Variants in PROCR observed in about 807,000 individuals in gnomAD.
PROCR encodes protein C receptor, also known as endothelial protein C receptor.
In PROCR, 22 loss-of-function variants were observed where a neutral mutation model predicts 24.2. The observed-to-expected ratio is 0.91, with a 90% confidence interval of 0.65 to 1.30. The LOEUF is 1.30. Among genes scored for constraint, PROCR ranks in the 50% most tolerant of loss-of-function variants. The pLI is 0.00. For missense variants in PROCR, 288 were observed against 307.7 expected, an observed-to-expected ratio of 0.94 and a Z score of 0.48; for synonymous variants, 137 against 139.2, an observed-to-expected ratio of 0.98 and a Z score of 0.11.
intron 1 of PROCR, among the ~76,000 whole-genome samples, chr20:35,193,349 T>C (rs984702999): frequency 6.6e-6 from 1 of 152,170 alleles, no homozygotes; most frequent in African/African-American, 2.4e-5. Context: ...CTAATTTTTG[T>C]ACTTTTAGTA....
chr20:35,215,498 T>C (rs2060378898), intron 1 of PROCR, among the ~76,000 whole-genome samples: 1 of 125,698 alleles, frequency 8.0e-6, no homozygotes, highest in South Asian at 2.2e-4. Flanking sequence ...AAGTCTTATC[T>C]TTTTTTTTTT....
Position 35,172,134 on chromosome 20 carries a change from G to A in PROCR, c.-21G>A, listed in dbSNP as rs1420942897. 6.2e-7 allele frequency: 1 copy of A among 1,613,994 alleles called. No homozygotes were observed. Among genetic ancestry groups the A allele is most frequent in the Admixed American group, 1.7e-5 (1 of 60,010 alleles). On this transcript the variant is annotated 5_prime_UTR_variant, in exon 1 of 4. Transcript: ENST00000216968. The stretch of plus-strand genomic sequence containing the variant: ...CAGCCGGCCCGAGCCAGGAACCCAG[G>A]TCCGGAGCCTCAACTTCAGGATGTT...
chr20:35,208,835 G>A (rs1173295160), intron 1 of PROCR, among the ~76,000 whole-genome samples: 1 of 152,096 alleles, frequency 6.6e-6, no homozygotes, highest in African/African-American at 2.4e-5. Context: ...AGCCGGGCAT[G>A]GTGGCACGCA....
At chr20:35,210,645 T>C (rs762997422) in intron 1 of PROCR, among the ~76,000 whole-genome samples, 1 of 152,196 alleles carries the variant, frequency 6.6e-6, no homozygotes, top group Non-Finnish European at 1.5e-5. Context: ...TGAACTTTTT[T>C]TTAATTGCCC....
At chr20:35,180,902 T>G (rs1358199866), downstream of PROCR, among the ~76,000 whole-genome samples, 4 of 152,220 alleles carry the variant, frequency 2.6e-5, no homozygotes, top group Non-Finnish European at 4.4e-5. Flanking sequence ...AGTCTCTCTC[T>G]GTCACCCAGG....
intron 1 of PROCR, among the ~76,000 whole-genome samples, chr20:35,190,176 G>A (rs1052725445): frequency 3.3e-5 from 5 of 152,048 alleles, no homozygotes; most frequent in African/African-American, 4.8e-5. Flanking sequence ...TGGTATATCC[G>A]ATGATCTGTT....
chr20:35,189,646 G>A (rs1316065482), intron 1 of PROCR, among the ~76,000 whole-genome samples: 1 of 152,112 alleles, frequency 6.6e-6, no homozygotes, highest in Non-Finnish European at 1.5e-5. Flanking sequence ...GGCTCAGGGG[G>A]CATCACGGAA....
At chr20:35,210,820 C>A (rs2146181688) in intron 1 of PROCR, among the ~76,000 whole-genome samples, 1 of 151,664 alleles carries the variant, frequency 6.6e-6, no homozygotes, top group Admixed American at 6.6e-5. Context: ...TCAAGCGATT[C>A]TCCTGCCTCA....
At chr20:35,187,537 A>T (rs2086138668) in intron 1 of PROCR, among the ~76,000 whole-genome samples, 2 of 152,216 alleles carry the variant, frequency 1.3e-5, no homozygotes, top group South Asian at 4.1e-4. Flanking sequence ...TAGGTTAAAG[A>T]GGTAAGGTAC....
At chr20:35,193,866 A>G (rs1442854332) in intron 1 of PROCR, among the ~76,000 whole-genome samples, 1 of 152,228 alleles carries the variant, frequency 6.6e-6, no homozygotes, top group Non-Finnish European at 1.5e-5. Context: ...ATAAAGCTGG[A>G]TGGGATCACC....
At chr20:35,205,798 C>CT (rs2060338691) in intron 1 of PROCR, among the ~76,000 whole-genome samples, 1 of 108,958 alleles carries the variant, frequency 9.2e-6, no homozygotes, top group African/African-American at 4.3e-5. Flanking sequence ...TGTATATATA[C>CT]ACACATATAT....
rs58785250 is a variant in PROCR at position 35,173,423 on chromosome 20, C to CTTT, written c.70+1221_70+1223dup. ...TTTTCTTTGCTTTTCTTTCTTTTTT[C>CTTT]TTTTTTTTTTTTTTTTTTTTTTTTG... On this transcript the variant is annotated intron_variant, in intron 1 of 3. Transcript: ENST00000216968. Among the ~76,000 whole-genome samples, 211 of 88,134 alleles carry CTTT rather than the reference C, an allele frequency of 2.4e-3. 1 individual carries two copies. Among genetic ancestry groups the CTTT allele is most frequent in the Non-Finnish European group, 3.5e-3 (152 of 43,850 alleles). 57.8% of individuals were successfully genotyped at this position (88,134 alleles called of 152,430 possible). A position where few individuals can be genotyped will look rare whatever the true frequency, so the allele number is the denominator to read the frequency against.
intron 1 of PROCR, among the ~76,000 whole-genome samples, chr20:35,198,630 A>C (rs1196769594): frequency 6.6e-6 from 1 of 152,192 alleles, no homozygotes; most frequent in Admixed American, 6.5e-5. Flanking sequence ...GATCGAGCTA[A>C]GATCACTGAT....
chr20:35,215,906 A>C lies in PROCR; in HGVS notation c.*3A>C, dbSNP rs1302503271. On this transcript the variant is annotated 3_prime_UTR_variant, in exon 2 of 2. Transcript: ENST00000634509. ...ATTTCCTTTCAGATCTCTACTAAGAATGTCACTCTGGCCGGGCGCAGTGGC... is the reference window on the plus strand; with the variant it reads ...ATTTCCTTTCAGATCTCTACTAAGACTGTCACTCTGGCCGGGCGCAGTGGC... 3 of 985,134 alleles carry C rather than the reference A, an allele frequency of 3.0e-6. No homozygotes were observed. In the African/African-American group the frequency reaches 5.2e-5, roughly 17 times the overall value. 61.0% of individuals were successfully genotyped at this position (985,134 alleles called of 1,614,324 possible). A position where few individuals can be genotyped will look rare whatever the true frequency, so the allele number is the denominator to read the frequency against.
At chr20:35,207,873 C>A (rs1444509794) in intron 1 of PROCR, among the ~76,000 whole-genome samples, 1 of 152,074 alleles carries the variant, frequency 6.6e-6, no homozygotes, top group Non-Finnish European at 1.5e-5. Flanking sequence ...CATTTCCTCT[C>A]CTTCCACAAA....
chr20:35,205,922 C>T (rs1041441719), intron 1 of PROCR, among the ~76,000 whole-genome samples: 2 of 148,960 alleles, frequency 1.3e-5, no homozygotes, highest in Middle Eastern at 3.5e-3. Flanking sequence ...CCCCCAACCT[C>T]GGCCTCCCAA....
At chr20:35,178,511 T>TGTTTTTTTTTG (rs202179491), downstream of PROCR, among the ~76,000 whole-genome samples, 1 of 42,924 alleles carries the variant, frequency 2.3e-5, no homozygotes, top group African/African-American at 2.0e-4. Flanking sequence ...GTCTCAGTTT[T>TGTTTTTTTTTG]TTTTTTTTTT....
At chr20:35,180,897 C>G (rs1295208396), downstream of PROCR, among the ~76,000 whole-genome samples, 1 of 152,066 alleles carries the variant, frequency 6.6e-6, no homozygotes, top group Admixed American at 6.6e-5. Flanking sequence ...GACAGAGTCT[C>G]TCTCTGTCAC....
At chr20:35,175,019 G>GGGCGGGGCCTGGCGGATGGA (rs2085996772) in intron 2 of PROCR, 66 bp downstream of exon 2, 6 of 1,234,634 alleles carry the variant, frequency 4.9e-6, no homozygotes, top group South Asian at 1.7e-5. Flanking sequence ...TGGCGGGTGG[G>GGGCGGGGCCTGGCGGATGGA]GGCGGGGCCT....
Sources: allele counts gnomAD v4.1 joint callset (sites outside exome capture counted in the v4.1 genomes callset), GRCh38; gene constraint gnomAD v4.1.1; transcripts MANE v1.5; gene names NCBI Gene and HGNC (gene_info 2026-07-23, HGNC 2026-07-21).